NTN1: variants seen among roughly 807,000 people sequenced by gnomAD.
The protein encoded by NTN1 is netrin-1.
A neutral mutation model predicts 54.2 loss-of-function variants in NTN1; 11 were observed. The ratio of observed to expected loss-of-function variants is 0.20; its 90% confidence interval spans 0.13 to 0.34. The LOEUF is 0.34. NTN1 is among the 10% of genes least tolerant of loss of function. NTN1 has a pLI of 1.00. For missense variants in NTN1, 740 were observed against 893.1 expected, an observed-to-expected ratio of 0.83 and a Z score of 2.18; for synonymous variants, 371 against 382.0, an observed-to-expected ratio of 0.97 and a Z score of 0.33.
chr17:9,054,084 C>T (rs934832931), intron 2 of NTN1, among the ~76,000 whole-genome samples: 7 of 152,044 alleles, frequency 4.6e-5, no homozygotes, highest in Admixed American at 1.3e-4. Context: ...ATAGTAAATG[C>T]GAGGCTGCCA....
chr17:9,046,442 T>C (rs2142195028), intron 2 of NTN1, among the ~76,000 whole-genome samples: 1 of 152,166 alleles, frequency 6.6e-6, no homozygotes, highest in African/African-American at 2.4e-5. Flanking sequence ...GTACTGCTGG[T>C]GGGAATGTAA....
chr17:9,091,841 A>G (rs2142233724), intron 2 of NTN1, among the ~76,000 whole-genome samples: 1 of 152,154 alleles, frequency 6.6e-6, no homozygotes, highest in East Asian at 1.9e-4. Context: ...TCAACTTCCT[A>G]AATTGAAACT....
rs1051802542 is a variant in NTN1 at position 9,152,349 on chromosome 17, C to T, written c.1019-10464C>T. 2.0e-5 allele frequency among the ~76,000 whole-genome samples: 3 copies of T among 152,190 alleles called. No homozygotes were observed. The South Asian group carries it at 6.2e-4, about 32-fold the overall frequency. ...CCTTTTTTCTCCCCCAAAATAGTTT[C>T]CTCTGCCCAGTTCCCCGGAGAGGAT... On this transcript the variant is annotated intron_variant, in intron 2 of 6. Transcript: ENST00000173229.
chr17:9,141,305 A>G (rs2092297070), intron 2 of NTN1, among the ~76,000 whole-genome samples: 1 of 151,710 alleles, frequency 6.6e-6, no homozygotes, highest in Non-Finnish European at 1.5e-5. Flanking sequence ...GGGGGGGGAG[A>G]AGGGCAAGCA....
At chr17:9,180,795 T>C (rs1012992770) in intron 4 of NTN1, among the ~76,000 whole-genome samples, 1 of 152,172 alleles carries the variant, frequency 6.6e-6, no homozygotes, top group African/African-American at 2.4e-5. Context: ...TAATAGCAAA[T>C]GACCAGGGTC....
chr17:9,069,611 C>T (rs1227239088), intron 2 of NTN1, among the ~76,000 whole-genome samples: 1 of 152,174 alleles, frequency 6.6e-6, no homozygotes, highest in African/African-American at 2.4e-5. Flanking sequence ...AGAGTCTTCA[C>T]CTTGGAGGCC....
intron 2 of NTN1, among the ~76,000 whole-genome samples, chr17:9,125,374 T>G (rs1225398115): frequency 2.0e-5 from 3 of 151,984 alleles, no homozygotes; most frequent in Non-Finnish European, 2.9e-5. Context: ...TTACAGGTGC[T>G]TGCCACCATG....
intron 2 of NTN1, among the ~76,000 whole-genome samples, chr17:9,158,484 A>G (rs1185458911): frequency 6.6e-6 from 1 of 152,210 alleles, no homozygotes; most frequent in African/African-American, 2.4e-5. Context: ...GTCCCCAGGC[A>G]GGTGTTCCAG....
intron 2 of NTN1, among the ~76,000 whole-genome samples, chr17:9,087,936 G>T (rs773675282): frequency 3.3e-5 from 5 of 152,228 alleles, no homozygotes; most frequent in Non-Finnish European, 5.9e-5. Flanking sequence ...GGAGGCTGTG[G>T]TCTACCCAAG....
the NTN1 span, among the ~76,000 whole-genome samples, chr17:9,010,759 C>T: frequency 6.6e-6 from 1 of 152,164 alleles, no homozygotes; most frequent in Non-Finnish European, 1.5e-5. Context: ...TGTAGGGCAG[C>T]GGTCCTCAAC....
At chr17:9,217,542 A>T (rs1905241420) in intron 5 of NTN1, among the ~76,000 whole-genome samples, 1 of 152,156 alleles carries the variant, frequency 6.6e-6, no homozygotes, top group African/African-American at 2.4e-5. Flanking sequence ...TACCATAGAG[A>T]GAGAACATAC....
At chr17:9,157,651 C>A (rs1323980853) in intron 2 of NTN1, among the ~76,000 whole-genome samples, 1 of 152,218 alleles carries the variant, frequency 6.6e-6, no homozygotes, top group African/African-American at 2.4e-5. Flanking sequence ...CCTTGGTGAT[C>A]CTCACATGAT....
At chr17:9,073,251 G>A (rs535964969) in intron 2 of NTN1, among the ~76,000 whole-genome samples, 41 of 145,758 alleles carry the variant, frequency 2.8e-4, no homozygotes, top group Admixed American at 1.0e-3. Flanking sequence ...GCCGAGACTT[G>A]GGGGTGGAAG....
At position 9,022,468 on chromosome 17, in the gene NTN1, C is replaced by T. The variant is rs1238290758; in HGVS notation, c.95C>T (p.Ala32Val). 3 of 1,520,478 alleles carry T rather than the reference C, an allele frequency of 2.0e-6. No individual in the cohort carries two copies. Among genetic ancestry groups the T allele is most frequent in the Admixed American group, 2.0e-5 (1 of 49,124 alleles). The allele number at this position is 1,520,478 out of a possible 1,614,324, so 94.2% of individuals were successfully genotyped here. Residue 32 changes from alanine (A) to valine (V), a missense_variant, in exon 2 of 7, where the codon GCG becomes GTG. Ala to Val is a moderately conservative substitution (Grantham distance 64). Coordinates refer to ENST00000173229, the MANE Select transcript of NTN1 (RefSeq NM_004822.3). ...GGCGGGCCCGGGCTCAGCATGTTCG[C>T]GGGCCAGGCGGCGCAGCCCGATCCC... Reference protein sequence around the residue: ...VRGGPGLSMFAGQAAQPDPCS... With the variant: ...VRGGPGLSMFVGQAAQPDPCS...
intron 5 of NTN1, among the ~76,000 whole-genome samples, chr17:9,205,544 G>A (rs1208677213): frequency 1.3e-5 from 2 of 152,244 alleles, no homozygotes; most frequent in Non-Finnish European, 2.9e-5. Context: ...GATCATTGGA[G>A]CCCACGGGTT....
intron 2 of NTN1, among the ~76,000 whole-genome samples, chr17:9,160,710 TG>T (rs2142296957): frequency 6.6e-6 from 1 of 152,334 alleles, no homozygotes; most frequent in African/African-American, 2.4e-5. Flanking sequence ...CCCAGCACTT[TG>T]GGAGACCAAA....
chr17:9,200,686 A>G lies in NTN1; in HGVS notation c.1411+17717A>G, dbSNP rs192082334. On this transcript the variant is annotated intron_variant, in intron 5 of 6. Coordinates refer to ENST00000173229, the MANE Select transcript of NTN1 (RefSeq NM_004822.3). ...GATAAGAGGATTTATGCATGTGTCC[A>G]TTTATTCATTTTCTCTTCATTCATT... Among the ~76,000 whole-genome samples the G allele has an allele frequency of 1.2e-4, 19 of 152,294 alleles. No individual in the cohort carries two copies. In the East Asian group the frequency reaches 3.7e-3, roughly 29 times the overall value.
intron 2 of NTN1, among the ~76,000 whole-genome samples, chr17:9,044,920 A>C (rs2091936702): frequency 6.6e-6 from 1 of 152,216 alleles, no homozygotes. Context: ...AGCAGAGTAC[A>C]TTATACACAA....
chr17:9,076,914 A>T (rs1182102245), intron 2 of NTN1, among the ~76,000 whole-genome samples: 1 of 152,226 alleles, frequency 6.6e-6, no homozygotes, highest in Non-Finnish European at 1.5e-5. Context: ...CCACACTGTC[A>T]GAGGTGTCTT....
Sources: allele counts gnomAD v4.1 joint callset (sites outside exome capture counted in the v4.1 genomes callset), GRCh38; gene constraint gnomAD v4.1.1; transcripts MANE v1.5; gene names NCBI Gene and HGNC (gene_info 2026-07-23, HGNC 2026-07-21).